TDRD3: variants seen among roughly 807,000 people sequenced by gnomAD.
TDRD3 encodes the protein tudor domain containing 3, also known as tudor domain-containing protein 3.
TDRD3 carries 45 observed loss-of-function variants against 86.7 expected under a neutral mutation model. That is an observed-to-expected ratio of 0.52 (90% CI 0.41 to 0.67). The LOEUF is 0.67. TDRD3 is among the 30% of genes least tolerant of loss of function. The pLI, the probability that TDRD3 is intolerant of heterozygous loss-of-function variation, is 0.00. For synonymous variants in TDRD3, 298 were observed against 301.7 expected, an observed-to-expected ratio of 0.99 and a Z score of 0.13; for missense variants, 814 against 889.0, an observed-to-expected ratio of 0.92 and a Z score of 1.07.
chr13:60,542,753 T>C (rs1957845448), intron 12 of TDRD3, among the ~76,000 whole-genome samples: 1 of 152,236 alleles, frequency 6.6e-6, no homozygotes, highest in Non-Finnish European at 1.5e-5. Context: ...TTTATCGTCT[T>C]ATGAGTCATC....
chr13:60,540,742 TA>T (rs1712427688), intron 12 of TDRD3, among the ~76,000 whole-genome samples: 1 of 152,166 alleles, frequency 6.6e-6, no homozygotes, highest in African/African-American at 2.4e-5. Flanking sequence ...TAATATCTGA[TA>T]ATAACATATT....
chr13:60,464,744 TAA>T (rs1338112066), intron 4 of TDRD3, among the ~76,000 whole-genome samples: 13 of 151,850 alleles, frequency 8.6e-5, no homozygotes, highest in Non-Finnish European at 1.6e-4. Context: ...ATGTGGGAAC[TAA>T]AAAAAATTGA....
chr13:60,435,835 G>T (rs1311495934), intron 1 of TDRD3, among the ~76,000 whole-genome samples: 1 of 151,644 alleles, frequency 6.6e-6, no homozygotes, highest in Non-Finnish European at 1.5e-5. Context: ...GTTCTTTAAG[G>T]AATCTCCATA....
chr13:60,464,344 C>T (rs915140489), intron 4 of TDRD3, among the ~76,000 whole-genome samples: 4 of 152,062 alleles, frequency 2.6e-5, no homozygotes, highest in Non-Finnish European at 4.4e-5. Context: ...AACGGTATGG[C>T]GGTTCCTAAG....
chr13:60,483,398 T>A (rs943588544), intron 5 of TDRD3, among the ~76,000 whole-genome samples: 2 of 152,268 alleles, frequency 1.3e-5, no homozygotes, highest in African/African-American at 4.8e-5. Flanking sequence ...AAATTTATTT[T>A]TGAAGATAAT....
At chr13:60,522,590 T>C (rs921788836) in intron 10 of TDRD3, among the ~76,000 whole-genome samples, 3 of 152,216 alleles carry the variant, frequency 2.0e-5, no homozygotes, top group East Asian at 1.9e-4. Flanking sequence ...GTTACAGAAC[T>C]AGTAAGTGGT....
intron 12 of TDRD3, among the ~76,000 whole-genome samples, chr13:60,543,738 T>G (rs1054911692): frequency 6.6e-6 from 1 of 152,108 alleles, no homozygotes; most frequent in African/African-American, 2.4e-5. Context: ...GCCTCTTCCT[T>G]TCTGTGAGTA....
chr13:60,533,045 T>A (rs1454483201), intron 11 of TDRD3, among the ~76,000 whole-genome samples: 1 of 152,172 alleles, frequency 6.6e-6, no homozygotes, highest in Non-Finnish European at 1.5e-5. Flanking sequence ...CTGGCATAAT[T>A]TGGCAACTCA....
intron 12 of TDRD3, chr13:60,547,143 A>T: frequency 2.4e-6 from 1 of 410,876 alleles, no homozygotes; most frequent in Non-Finnish European, 3.3e-6. Context: ...AATGAGAATT[A>T]CTATACTTTG....
chr13:60,411,399 G>A (rs993149902), intron 1 of TDRD3, among the ~76,000 whole-genome samples: 3 of 152,148 alleles, frequency 2.0e-5, no homozygotes, highest in African/African-American at 7.2e-5. Context: ...GTTCAACAGA[G>A]CCTTGACATT....
Position 60,467,347 on chromosome 13 carries a change from G to C in TDRD3, c.463G>C (p.Glu155Gln), listed in dbSNP as rs759438608. 6.2e-6 allele frequency: 10 copies of C among 1,613,774 alleles called. No individual in the cohort carries two copies. Among genetic ancestry groups the C allele is most frequent in the Non-Finnish European group, 8.5e-6 (10 of 1,179,856 alleles). Residue 155 changes from glutamate to glutamine, a missense_variant, in exon 5 of 14, where the codon GAA becomes CAA. Coordinates refer to ENST00000377881, the MANE Select transcript of TDRD3 (RefSeq NM_001146070.2). ...CACCACAGTTCTTGGTGGTGAAGTG[G>C]AACACCTTATTGAGAAATGGGAGTT... ...SNTTVLGGEV[E>Q]HLIEKWELQR... is the part of the protein sequence containing the mutation.
intron 10 of TDRD3, among the ~76,000 whole-genome samples, chr13:60,525,736 T>C (rs990082953): frequency 5.3e-5 from 8 of 152,224 alleles, no homozygotes; most frequent in African/African-American, 1.9e-4. Context: ...TTTTTCATTC[T>C]CTTTTCTAAG....
At chr13:60,509,637 T>C in intron 8 of TDRD3, 126 bp from the exon 9 acceptor site, 1 of 1,172,754 alleles carries the variant, frequency 8.5e-7, no homozygotes, top group Non-Finnish European at 1.2e-6. Context: ...GAGAATGTTG[T>C]ATTAGAATGA....
intron 1 of TDRD3, among the ~76,000 whole-genome samples, chr13:60,401,551 T>C (rs1954103051): frequency 6.6e-6 from 1 of 152,192 alleles, no homozygotes; most frequent in Non-Finnish European, 1.5e-5. Context: ...TACCCAGTAG[T>C]TTGAGTTGAA....
chr13:60,460,846 T>A, intron 4 of TDRD3: 1 of 165,426 alleles, frequency 6.0e-6, no homozygotes, highest in Non-Finnish European at 1.3e-5. Flanking sequence ...CTCTACAAAA[T>A]ACAAGAATTA....
At chr13:60,481,883 A>G (rs1956326068) in intron 5 of TDRD3, among the ~76,000 whole-genome samples, 1 of 152,206 alleles carries the variant, frequency 6.6e-6, no homozygotes. Context: ...AGCTTTGGTC[A>G]ACAGTTAATT....
Position 60,453,026 on chromosome 13 carries a change from CT to C in TDRD3, c.193-7347del, listed in dbSNP as rs1955583953. On this transcript the variant is annotated intron_variant, in intron 3 of 13. Transcript: ENST00000377881. The stretch of plus-strand genomic sequence containing the variant: ...TCTTCTACCTGATTTGAACTCACTG[CT>C]TTTTTTCCTCAACTTCTTAGTTCAA... 3.3e-5 allele frequency among the ~76,000 whole-genome samples: 5 copies of C among 151,906 alleles called. No individual in the cohort carries two copies. In the South Asian group the frequency reaches 8.3e-4, roughly 25 times the overall value.
At chr13:60,559,035 A>G (rs897139689) in intron 12 of TDRD3, among the ~76,000 whole-genome samples, 3 of 150,868 alleles carry the variant, frequency 2.0e-5, no homozygotes, top group Middle Eastern at 3.4e-3. Context: ...CCTGATTTTC[A>G]GCAAAATCTA....
intron 12 of TDRD3, among the ~76,000 whole-genome samples, chr13:60,550,227 T>C (rs1013086316): frequency 7.2e-5 from 11 of 152,092 alleles, no homozygotes; most frequent in African/African-American, 2.7e-4. Context: ...TTGATGAACA[T>C]CCCATTTGAA....
Sources: allele counts gnomAD v4.1 joint callset (sites outside exome capture counted in the v4.1 genomes callset), GRCh38; gene constraint gnomAD v4.1.1; transcripts MANE v1.5; gene names NCBI Gene and HGNC (gene_info 2026-07-23, HGNC 2026-07-21).